TENM2: variants seen among roughly 807,000 people sequenced by gnomAD.
The protein encoded by TENM2 is teneurin-2.
TENM2 carries 52 observed loss-of-function variants against 245.2 expected under a neutral mutation model. The ratio of observed to expected loss-of-function variants is 0.21; its 90% CI spans 0.17 to 0.27. The LOEUF is 0.27. Among genes scored for constraint, TENM2 ranks in the 10% least tolerant of loss-of-function variants. The probability of loss-of-function intolerance (pLI) is 1.00; values close to 1 mark genes in which losing one functional copy is unlikely to be tolerated. For missense variants in TENM2, 3,046 were observed against 3,666.8 expected (o/e 0.83, Z 4.37); for synonymous variants, 1,363 against 1,438.9 (o/e 0.95, Z 1.19).
chr5:167,169,108 G>A, the TENM2 span, among the ~76,000 whole-genome samples: 2 of 152,106 alleles, frequency 1.3e-5, no homozygotes, highest in African/African-American at 2.4e-5. Context: ...AAATGGAAGC[G>A]TCTGTACAGA....
intron 19 of TENM2, among the ~76,000 whole-genome samples, chr5:168,205,688 A>G (rs527622427): frequency 1.3e-5 from 2 of 152,292 alleles, no homozygotes; most frequent in South Asian, 2.1e-4. Flanking sequence ...TAGAAGCCCA[A>G]TGTGGCAGGA....
At chr5:168,118,980 ATTG>A (rs926515142) in intron 10 of TENM2, among the ~76,000 whole-genome samples, 11 of 152,002 alleles carry the variant, frequency 7.2e-5, no homozygotes, top group Middle Eastern at 3.2e-3. Flanking sequence ...GTTTGTTGTT[ATTG>A]TTGTTGTTAC....
At chr5:168,065,854 GTT>G (rs546874434) in intron 7 of TENM2, among the ~76,000 whole-genome samples, 1 of 144,138 alleles carries the variant, frequency 6.9e-6, no homozygotes, top group African/African-American at 2.5e-5. Context: ...AAGAACAAAG[GTT>G]TTTTTTTTTT....
the TENM2 span, among the ~76,000 whole-genome samples, chr5:167,108,501 C>CA: frequency 6.6e-6 from 1 of 152,186 alleles, no homozygotes; most frequent in Admixed American, 6.5e-5. Context: ...CACTGTGCTA[C>CA]AAGCCCTACT....
the TENM2 span, among the ~76,000 whole-genome samples, chr5:167,108,711 A>G: frequency 2.0e-5 from 3 of 152,238 alleles, no homozygotes; most frequent in Non-Finnish European, 2.9e-5. Flanking sequence ...CAACAAATAC[A>G]CAAAAGCACC....
intron 5 of TENM2, among the ~76,000 whole-genome samples, chr5:168,027,230 A>G (rs150185236): frequency 5.9e-5 from 9 of 152,150 alleles, no homozygotes; most frequent in Non-Finnish European, 1.0e-4. Flanking sequence ...GCTGTGGGGC[A>G]AGGACTCTGA....
At chr5:167,560,578 T>C (rs1773521338) in intron 2 of TENM2, among the ~76,000 whole-genome samples, 1 of 152,132 alleles carries the variant, frequency 6.6e-6, no homozygotes, top group African/African-American at 2.4e-5. Flanking sequence ...CTTGAGCACA[T>C]TATTTGTCTC....
intron 2 of TENM2, among the ~76,000 whole-genome samples, chr5:167,746,391 A>G (rs910636287): frequency 6.6e-6 from 1 of 152,210 alleles, no homozygotes; most frequent in African/African-American, 2.4e-5. Flanking sequence ...ATGGATACAT[A>G]GATCGATGCA....
the TENM2 span, among the ~76,000 whole-genome samples, chr5:167,143,919 CA>C: frequency 6.6e-6 from 1 of 152,090 alleles, no homozygotes; most frequent in Non-Finnish European, 1.5e-5. Flanking sequence ...CAAATGCTGG[CA>C]AACTGGCGTT....
At chr5:167,861,053 A>T (rs201174954) in intron 2 of TENM2, among the ~76,000 whole-genome samples, 5 of 21,678 alleles carry the variant, frequency 2.3e-4, no homozygotes, top group South Asian at 5.4e-3. Flanking sequence ...AAAAAAAATT[A>T]AAAAAAAAAA....
intron 2 of TENM2, among the ~76,000 whole-genome samples, chr5:167,786,388 C>T (rs2150868261): frequency 6.6e-6 from 1 of 152,322 alleles, no homozygotes; most frequent in African/African-American, 2.4e-5. Context: ...TCTCTCTCGG[C>T]CTTGTTCTTA....
chr5:167,863,183 G>C (rs557976200), intron 2 of TENM2, among the ~76,000 whole-genome samples: 7 of 152,206 alleles, frequency 4.6e-5, no homozygotes, highest in Admixed American at 4.6e-4. Context: ...GAAGGATTTC[G>C]TAAATTACAA....
intron 2 of TENM2, among the ~76,000 whole-genome samples, chr5:167,424,920 AATCATGCATCCAT>A (rs1763723168): frequency 6.6e-6 from 1 of 152,170 alleles, no homozygotes; most frequent in Non-Finnish European, 1.5e-5. Flanking sequence ...CTACAGCAAA[AATCATGCATCCAT>A]ATCAGTTGAA....
At chr5:167,583,782 C>T (rs1775277701) in intron 2 of TENM2, among the ~76,000 whole-genome samples, 2 of 152,180 alleles carry the variant, frequency 1.3e-5, no homozygotes, top group African/African-American at 4.8e-5. Context: ...TCTACCTCTG[C>T]TCTCCCAATC....
intron 28 of TENM2, 42 bp downstream of exon 30, chr5:168,260,455 A>G (rs1357541185): frequency 6.2e-7 from 1 of 1,608,520 alleles, no homozygotes; most frequent in South Asian, 1.1e-5. Context: ...GATTGTCATC[A>G]TTCCCTTTTG....
At chr5:167,722,249 C>A (rs1010751829) in intron 2 of TENM2, among the ~76,000 whole-genome samples, 1 of 152,148 alleles carries the variant, frequency 6.6e-6, no homozygotes, top group Admixed American at 6.5e-5. Context: ...GCATGATTAG[C>A]CGTTAATATT....
chr5:167,217,380 G>T, the TENM2 span, among the ~76,000 whole-genome samples: 2 of 152,072 alleles, frequency 1.3e-5, no homozygotes, highest in South Asian at 4.2e-4. Flanking sequence ...ATTATTAAGG[G>T]GATCAGTCTG....
intron 3 of TENM2, among the ~76,000 whole-genome samples, chr5:167,894,206 G>A (rs1239275190): frequency 6.6e-6 from 1 of 152,180 alleles, no homozygotes; most frequent in Non-Finnish European, 1.5e-5. Context: ...TGGATGGATG[G>A]ATAGATGATG....
chr5:167,518,862 G>C (rs1050549918), intron 2 of TENM2, among the ~76,000 whole-genome samples: 1 of 152,080 alleles, frequency 6.6e-6, no homozygotes, highest in African/African-American at 2.4e-5. Context: ...GAGGATGGGG[G>C]TACAGAGGCT....
Sources: gnomAD v4.1 joint callset for allele counts (sites outside exome capture counted in the v4.1 genomes callset) on GRCh38, gnomAD v4.1.1 for gene constraint, MANE v1.5 for transcripts, NCBI Gene and HGNC (gene_info 2026-07-23, HGNC 2026-07-21) for gene names.